DNAH17: variants seen among roughly 807,000 people sequenced by gnomAD.
DNAH17 encodes the protein axonemal beta dynein heavy chain 17.
In DNAH17, 376 loss-of-function variants were observed where a neutral mutation model predicts 485.6. That is an observed-to-expected ratio of 0.77 (90% CI 0.71 to 0.84). DNAH17 has a LOEUF of 0.84. Ranked by LOEUF, DNAH17 falls within the 40% of genes least tolerant of loss-of-function variation. The pLI is 0.00. For missense variants in DNAH17, 6,370 were observed against 5,839.3 expected (o/e 1.09, Z -2.96); for synonymous variants, 3,031 against 2,405.9 (o/e 1.26, Z -7.60).
intron 14 of DNAH17, among the ~76,000 whole-genome samples, chr17:78,557,256 T>G (rs1254509230): frequency 6.6e-6 from 1 of 152,144 alleles, no homozygotes; most frequent in Non-Finnish European, 1.5e-5. Context: ...ACAGAAGTAA[T>G]GGAAGCAATG....
chr17:78,502,876 C>G lies in DNAH17; in HGVS notation c.5082+10G>C, dbSNP rs752234647. The G allele has an allele frequency of 2.7e-5, 44 of 1,611,070 alleles. No homozygotes were observed. The highest frequency in any genetic ancestry group is 3.6e-5 in the Non-Finnish European group (42 of 1,178,728). ...CACGAGGCGCCGCCGAGCCCCCACC[C>G]GCCTCAGACCTGGGCTGGGTAGTCC... On this transcript the variant is annotated intron_variant, in intron 32 of 80. Transcript: ENST00000389840.
intron 9 of DNAH17, among the ~76,000 whole-genome samples, chr17:78,568,961 G>A (rs1030730146): frequency 6.6e-6 from 1 of 152,178 alleles, no homozygotes; most frequent in Non-Finnish European, 1.5e-5. Flanking sequence ...CACCCGAAGT[G>A]GGTCATTTTT....
At chr17:78,523,341 CT>C (rs914456676) in intron 25 of DNAH17, among the ~76,000 whole-genome samples, 4 of 152,060 alleles carry the variant, frequency 2.6e-5, no homozygotes, top group Admixed American at 2.0e-4. Flanking sequence ...CCAGGCTGCT[CT>C]TGAACTCCTG....
intron 55 of DNAH17, among the ~76,000 whole-genome samples, chr17:78,468,128 G>A (rs1348969117): frequency 1.3e-5 from 2 of 150,880 alleles, no homozygotes; most frequent in African/African-American, 2.4e-5. Flanking sequence ...GTCCACATCT[G>A]TGGATTTAAC....
chr17:78,497,254 T>G (rs2090108729), intron 37 of DNAH17, among the ~76,000 whole-genome samples: 1 of 152,142 alleles, frequency 6.6e-6, no homozygotes, highest in African/African-American at 2.4e-5. Flanking sequence ...AGAAGACAGC[T>G]GTGTCTCTCC....
intron 31 of DNAH17, among the ~76,000 whole-genome samples, chr17:78,503,959 T>C (rs968956917): frequency 1.6e-4 from 24 of 147,488 alleles, no homozygotes; most frequent in Non-Finnish European, 3.0e-4. Flanking sequence ...AGAGTGAGAC[T>C]CCATCTCAAA....
intron 11 of DNAH17, among the ~76,000 whole-genome samples, chr17:78,563,353 T>C (rs2092199077): frequency 6.6e-6 from 1 of 152,108 alleles, no homozygotes; most frequent in South Asian, 2.1e-4. Flanking sequence ...TGCTGACGTA[T>C]GAGGTCACCA....
chr17:78,444,870 A>C, intron 70 of DNAH17, 73 bp from the exon 71 acceptor site: 2 of 1,416,720 alleles, frequency 1.4e-6, no homozygotes, highest in Non-Finnish European at 9.4e-7. Context: ...TGTACAGTTC[A>C]TTCAAGGAGG....
intron 37 of DNAH17, among the ~76,000 whole-genome samples, chr17:78,498,006 G>T (rs915912476): frequency 1.3e-5 from 2 of 152,066 alleles, no homozygotes; most frequent in Non-Finnish European, 2.9e-5. Context: ...GCCGGGCGTG[G>T]TGGTGCACGC....
intron 16 of DNAH17, 141 bp downstream of exon 16, chr17:78,551,394 C>T (rs1426889756): frequency 4.4e-6 from 3 of 682,908 alleles, no homozygotes; most frequent in African/African-American, 3.6e-5. Flanking sequence ...TATCATCCTA[C>T]CGGTGGAGAG....
intron 54 of DNAH17, among the ~76,000 whole-genome samples, chr17:78,474,215 G>A (rs576865392): frequency 3.9e-5 from 6 of 152,246 alleles, no homozygotes; most frequent in African/African-American, 1.2e-4. Context: ...CACGTACTGC[G>A]GGAGGGTCCC....
At chr17:78,568,147 C>T (rs1224479818) in intron 9 of DNAH17, among the ~76,000 whole-genome samples, 1 of 152,194 alleles carries the variant, frequency 6.6e-6, no homozygotes, top group East Asian at 1.9e-4. Context: ...AAGCCATTTC[C>T]TCCACCTCCA....
At chr17:78,565,003 A>C (rs114678200) in intron 11 of DNAH17, among the ~76,000 whole-genome samples, 241 of 152,226 alleles carry the variant, frequency 1.6e-3, no homozygotes, top group African/African-American at 5.1e-3. Flanking sequence ...ATCCTCCACC[A>C]TCCCGCAGGG....
intron 63 of DNAH17, among the ~76,000 whole-genome samples, chr17:78,455,040 G>A (rs951226676): frequency 6.6e-6 from 1 of 152,192 alleles, no homozygotes; most frequent in Non-Finnish European, 1.5e-5. Flanking sequence ...CTTCTGGGTA[G>A]TTGGGATTAC....
Position 78,428,653 on chromosome 17 carries a change from C to A in DNAH17, c.12460G>T (p.Gly4154Cys). ...CCAATCTCTGCGTTGGGGTGCAGGC[C>A]ATACAGATAGGGACTCTCAGGGGGC... ...NLPPESPYLY[G>C]LHPNAEIGFL... Residue 4154 changes from glycine (G) to cysteine (C), a missense_variant, in exon 77 of 81, where the codon GGC (glycine) becomes TGC (cysteine). By Grantham distance (159) the Gly-to-Cys change is radical. Coordinates refer to ENST00000389840, the MANE Select transcript of DNAH17 (RefSeq NM_173628.4). 1 of 1,613,934 alleles carries A rather than the reference C, an allele frequency of 6.2e-7. No homozygotes were observed.
chr17:78,501,014 G>A, intron 35 of DNAH17, 170 bp downstream of exon 35: 1 of 723,212 alleles, frequency 1.4e-6, no homozygotes. Context: ...CACACAGCCG[G>A]TGCTAGAACA....
chr17:78,450,827 T>C lies in DNAH17; in HGVS notation c.10754A>G (p.Gln3585Arg), dbSNP rs1425206570. ...EQLKANLTKS[Q>R]NEFKIVLKEL... ...TTTCAGAACAATCTTAAATTCGTTT[T>C]GAGACTTGGTGAGGTTTGCCTGCAA... The change falls in exon 67 of 81, where the codon CAA becomes CGA. Residue 3585 changes from glutamine to arginine, a missense_variant. Coordinates refer to ENST00000389840, the MANE Select transcript of DNAH17 (RefSeq NM_173628.4). 6.2e-7 allele frequency: 1 copy of C among 1,613,858 alleles called. No homozygotes were observed. The highest frequency in any genetic ancestry group is 2.2e-5 in the East Asian group (1 of 44,890).
At position 78,503,022 on chromosome 17, in the gene DNAH17, G is replaced by T; in HGVS notation, c.4957-11C>A. ...CAGCCACACTTCCACCTGGGGACGGGAGCCACGGTGACCAATACAGCCATG... is the reference window on the plus strand; with the variant it reads ...CAGCCACACTTCCACCTGGGGACGGTAGCCACGGTGACCAATACAGCCATG... On this transcript the variant is annotated splice_polypyrimidine_tract_variant and intron_variant, in intron 31 of 80. Coordinates refer to ENST00000389840, the MANE Select transcript of DNAH17 (RefSeq NM_173628.4). 1 of 1,611,936 alleles carries T rather than the reference G, an allele frequency of 6.2e-7. No homozygotes were observed. Among genetic ancestry groups the T allele is most frequent in the Middle Eastern group, 1.7e-4 (1 of 6,056 alleles).
rs930572 is a variant in DNAH17, at chr17:78,502,324, A to G, written c.5190+267T>C. 0.42 allele frequency: 142,572 copies of G among 339,170 alleles called. 32,035 individuals are homozygous for G. Among genetic ancestry groups the G allele is most frequent in the South Asian group, 0.52 (8,120 of 15,600 alleles). 21.0% of individuals were successfully genotyped at this position (339,170 alleles called of 1,614,324 possible). On this transcript the variant is annotated intron_variant, in intron 33 of 80. Coordinates refer to ENST00000389840, the MANE Select transcript of DNAH17 (RefSeq NM_173628.4). ...CTAACCAAGGACATTTTTTTTTTAA[A>G]GACTCTCAGTAGCATCTGCCAATTT...
Sources: allele counts gnomAD v4.1 joint callset (sites outside exome capture counted in the v4.1 genomes callset), GRCh38; gene constraint gnomAD v4.1.1; transcripts MANE v1.5; gene names NCBI Gene and HGNC (gene_info 2026-07-23, HGNC 2026-07-21).